The following USP34 variants were observed in gnomAD, a reference collection of about 807,000 sequenced individuals.
USP34 encodes the protein ubiquitin specific peptidase 34.
Under a neutral mutation model 460.3 loss-of-function variants are expected in USP34, and 70 were observed. That is an observed-to-expected ratio of 0.15 (90% CI 0.13 to 0.19). USP34 has a LOEUF of 0.19. Among genes scored for constraint, USP34 ranks in the 10% least tolerant of loss-of-function variants. The pLI is 1.00. For synonymous variants in USP34, 1,647 were observed against 1,405.3 expected (o/e 1.17, Z -3.85); for missense variants, 3,985 against 4,236.2 (o/e 0.94, Z 1.65).
At chr2:61,347,535 G>A (rs1021036353) in intron 15 of USP34, among the ~76,000 whole-genome samples, 26 of 151,964 alleles carry the variant, frequency 1.7e-4, no homozygotes, top group African/African-American at 4.4e-4. Flanking sequence ...CACCATGCCC[G>A]GCTAATTTTT....
chr2:61,437,823 T>C (rs2104015498), intron 1 of USP34, among the ~76,000 whole-genome samples: 1 of 87,776 alleles, frequency 1.1e-5, no homozygotes, highest in East Asian at 3.9e-4. Flanking sequence ...ATAAAAAACC[T>C]GAACAGACCA....
At chr2:61,206,912 A>G (rs776108848) in intron 70 of USP34, 26 bp from the exon 71 acceptor site, 1 of 1,605,708 alleles carries the variant, frequency 6.2e-7, no homozygotes, top group Non-Finnish European at 8.5e-7. Context: ...AAAAATTGAA[A>G]ACTTAATTTC....
At chr2:61,431,212 T>C (rs994353550) in intron 1 of USP34, among the ~76,000 whole-genome samples, 2 of 152,126 alleles carry the variant, frequency 1.3e-5, no homozygotes, top group Non-Finnish European at 2.9e-5. Context: ...TGTTGTTCTT[T>C]GGAGCTTTAT....
At chr2:61,324,127 T>A (rs1055332269) in intron 21 of USP34, among the ~76,000 whole-genome samples, 2 of 152,098 alleles carry the variant, frequency 1.3e-5, no homozygotes, top group African/African-American at 4.8e-5. Flanking sequence ...AGGTTTGACA[T>A]TGACACACAG....
At chr2:61,193,085 A>AT in intron 75 of USP34, 105 bp from the exon 76 acceptor site, 1 of 823,396 alleles carries the variant, frequency 1.2e-6, no homozygotes, top group South Asian at 1.9e-5. Flanking sequence ...TCATAACTGC[A>AT]TATTTTCTAT....
At chr2:61,231,161 G>A (rs1331600935) in intron 58 of USP34, among the ~76,000 whole-genome samples, 1 of 152,136 alleles carries the variant, frequency 6.6e-6, no homozygotes, top group Non-Finnish European at 1.5e-5. Context: ...TAGTGTATGA[G>A]TCCATTTATA....
rs751610064 is a variant in USP34, at chr2:61,189,034, G to T, written c.9909C>A (p.His3303Gln). The T allele has an allele frequency of 8.7e-6, 14 of 1,614,080 alleles. No homozygotes were observed. The highest frequency in any genetic ancestry group is 2.7e-5 in the African/African-American group (2 of 74,922). Residue 3303 changes from histidine to glutamine, a missense_variant, in exon 79 of 80, where the codon CAC (histidine) becomes CAA (glutamine). Coordinates refer to ENST00000398571, the MANE Select transcript of USP34 (RefSeq NM_014709.4). ...GAGCTGGGTTTAACTGTTTGGGAGT[G>T]TGTACTGACAGGAGCAAAGCGAGTG... ...LRALALLLSV[H>Q]TPKQLNPALI...
chr2:61,348,815 T>C lies in USP34; in HGVS notation c.1615A>G (p.Met539Val), dbSNP rs1691850170. 3 of 1,613,956 alleles carry C rather than the reference T, an allele frequency of 1.9e-6. No homozygotes were observed. The highest frequency in any genetic ancestry group is 1.7e-4 in the Middle Eastern group (1 of 6,054). ...GTTCTATTAATAAGTTGCTCATCCA[T>C]TTCAATGTCACTACCTCCACTTTGA... The part of the protein sequence containing the change: ...THQSGGSDIE[M>V]DEQLINRTKH... Residue 539 changes from methionine (M) to valine (V), a missense_variant, in exon 14 of 80, where the codon ATG becomes GTG. Transcript: ENST00000398571.
intron 5 of USP34, among the ~76,000 whole-genome samples, chr2:61,386,647 G>A (rs545453670): frequency 3.3e-5 from 5 of 151,988 alleles, no homozygotes; most frequent in African/African-American, 9.6e-5. Context: ...AAAATTAGCT[G>A]GGCGTGGTGG....
chr2:61,208,646 G>T, intron 70 of USP34: 1 of 234,260 alleles, frequency 4.3e-6, no homozygotes, highest in Non-Finnish European at 8.2e-6. Context: ...AATAAAACTA[G>T]TCTATTTCAA....
rs1691520780 is a variant in USP34, at chr2:61,339,440, T to C, written c.2655A>G (p.Lys885=). ...ACCAACATACTAACGAACAAAGAAG[T>C]TTCTCTGCTTCATTTATTAATCCTT... The part of the protein sequence containing the change: ...LSEGLINEAE[K]LLCSLVCWFT... Residue 885 remains lysine, a synonymous_variant, in exon 18 of 80, where the codon AAA becomes AAG. Transcript: ENST00000398571. The C allele has an allele frequency of 6.2e-7, 1 of 1,601,468 alleles. No individual in the cohort carries two copies. The highest frequency in any genetic ancestry group is 2.2e-5 in the East Asian group (1 of 44,450).
chr2:61,206,351 G>T (rs1687117012), intron 71 of USP34, among the ~76,000 whole-genome samples: 1 of 152,192 alleles, frequency 6.6e-6, no homozygotes, highest in Non-Finnish European at 1.5e-5. Context: ...TTCTAGGAAT[G>T]TATATGAAGA....
chr2:61,440,875 C>T (rs1273454117), intron 1 of USP34, among the ~76,000 whole-genome samples: 1 of 151,664 alleles, frequency 6.6e-6, no homozygotes, highest in Non-Finnish European at 1.5e-5. Context: ...CGCCTGTAAT[C>T]TCAGCACTAT....
chr2:61,308,557 A>G (rs1690485381), intron 27 of USP34, among the ~76,000 whole-genome samples: 2 of 152,182 alleles, frequency 1.3e-5, no homozygotes, highest in Admixed American at 1.3e-4. Context: ...ACAATACAAG[A>G]AATCTATGAA....
At chr2:61,424,141 C>A (rs1349306854) in intron 1 of USP34, among the ~76,000 whole-genome samples, 1 of 152,100 alleles carries the variant, frequency 6.6e-6, no homozygotes, top group Non-Finnish European at 1.5e-5. Context: ...AGCATATATA[C>A]TGAAATGAAT....
chr2:61,452,854 A>G (rs910682647), intron 1 of USP34, among the ~76,000 whole-genome samples: 1 of 142,660 alleles, frequency 7.0e-6, no homozygotes, highest in Non-Finnish European at 1.5e-5. Context: ...CACTCACTAC[A>G]CTCCAGCCCT....
intron 33 of USP34, among the ~76,000 whole-genome samples, chr2:61,291,875 A>G (rs890882679): frequency 2.0e-5 from 3 of 152,216 alleles, no homozygotes; most frequent in African/African-American, 7.2e-5. Context: ...AACATGTAAT[A>G]TAATTATAAA....
At chr2:61,451,498 A>C (rs1278187254) in intron 1 of USP34, among the ~76,000 whole-genome samples, 1 of 151,750 alleles carries the variant, frequency 6.6e-6, no homozygotes, top group Admixed American at 6.6e-5. Context: ...CAGCCTGACC[A>C]AGAGAGAAAC....
intron 2 of USP34, chr2:61,416,856 T>TA (rs1431980087): frequency 1.7e-6 from 1 of 598,344 alleles, no homozygotes; most frequent in Non-Finnish European, 2.8e-6. Context: ...GTATTGGTAT[T>TA]AAGAGGGGGC....
Sources: gnomAD v4.1 joint callset for allele counts (sites outside exome capture counted in the v4.1 genomes callset) on GRCh38, gnomAD v4.1.1 for gene constraint, MANE v1.5 for transcripts, NCBI Gene and HGNC (gene_info 2026-07-23, HGNC 2026-07-21) for gene names.